Variants in MBNL2 observed in about 807,000 individuals in gnomAD.
The protein encoded by MBNL2 is muscleblind-like protein 2.
In MBNL2, 17 loss-of-function variants were observed where a neutral mutation model predicts 41.9. The ratio of observed to expected loss-of-function variants is 0.41; its 90% confidence interval spans 0.28 to 0.61. MBNL2 has a LOEUF of 0.61. Among genes scored for constraint, MBNL2 ranks in the 20% least tolerant of loss-of-function variants. MBNL2 has a pLI of 0.35. For synonymous variants in MBNL2, 195 were observed against 182.9 expected (o/e 1.07, Z -0.53); for missense variants, 336 against 505.6 (o/e 0.66, Z 3.22).
chr13:97,316,822 TTG>T (rs1190471064), intron 2 of MBNL2, among the ~76,000 whole-genome samples: 1 of 152,206 alleles, frequency 6.6e-6, no homozygotes, highest in Non-Finnish European at 1.5e-5. Context: ...GCTGTGTAAC[TTG>T]TGTATCATCT....
At chr13:97,223,865 T>C (rs1471744916) in intron 1 of MBNL2, among the ~76,000 whole-genome samples, 1 of 152,220 alleles carries the variant, frequency 6.6e-6, no homozygotes. Context: ...AGCCCAGAAC[T>C]TCTGACGTCA....
intron 1 of MBNL2, among the ~76,000 whole-genome samples, chr13:97,245,966 T>C (rs1191937286): frequency 1.3e-5 from 2 of 152,204 alleles, no homozygotes; most frequent in Non-Finnish European, 2.9e-5. Context: ...GGCACTTTGA[T>C]TTACTTTCAG....
chr13:97,377,743 C>T (rs532069363), intron 8 of MBNL2, among the ~76,000 whole-genome samples: 8 of 152,174 alleles, frequency 5.3e-5, no homozygotes, highest in South Asian at 4.2e-4. Flanking sequence ...AACCTCGTAA[C>T]GTGAAGAATG....
At position 97,346,328 on chromosome 13, in the gene MBNL2, TTGATAGA is replaced by T. The variant is rs2061861803; in HGVS notation, c.541-467_541-461del. Reference sequence around the variant, plus strand: ...GGATAATAGATAATAGAGGGATAGATTGATAGATGATAGATAATAGATGATGGATGAA... The same window carrying T: ...GGATAATAGATAATAGAGGGATAGATTGATAGATAATAGATGATGGATGAA... On this transcript the variant is annotated intron_variant, in intron 4 of 8. Transcript: ENST00000679496. The surrounding 1 kb of genome is among the most constrained non-coding windows in gnomAD (Gnocchi z 4.2). Among the ~76,000 whole-genome samples the T allele has an allele frequency of 6.6e-6, 1 of 151,738 alleles. No homozygotes were observed. Among genetic ancestry groups the T allele is most frequent in the South Asian group, 2.1e-4 (1 of 4,804 alleles).
the MBNL2 span, among the ~76,000 whole-genome samples, chr13:97,201,954 T>G: frequency 6.6e-6 from 1 of 152,228 alleles, no homozygotes; most frequent in Non-Finnish European, 1.5e-5. Flanking sequence ...TTTCTTCATA[T>G]GTACCAAATC....
chr13:97,376,838 T>C (rs1425214682), intron 8 of MBNL2, among the ~76,000 whole-genome samples: 1 of 152,190 alleles, frequency 6.6e-6, no homozygotes, highest in African/African-American at 2.4e-5. Flanking sequence ...AGAAAAATTA[T>C]GATGCAAATT....
intron 1 of MBNL2, among the ~76,000 whole-genome samples, chr13:97,238,314 T>C (rs981179464): frequency 6.6e-6 from 1 of 152,080 alleles, no homozygotes; most frequent in South Asian, 2.1e-4. Context: ...AGCCTTACAT[T>C]GAAGGGAATT....
intron 8 of MBNL2, among the ~76,000 whole-genome samples, chr13:97,375,756 A>G (rs1467062364): frequency 2.0e-5 from 3 of 152,202 alleles, no homozygotes; most frequent in Non-Finnish European, 2.9e-5. Flanking sequence ...TTCTTCCTCG[A>G]TAGCATGTGT....
At chr13:97,214,635 T>C in the MBNL2 span, among the ~76,000 whole-genome samples, 1 of 152,100 alleles carries the variant, frequency 6.6e-6, no homozygotes, top group African/African-American at 2.4e-5. Flanking sequence ...CTTTCAAGTA[T>C]CCCAACAGGA....
intron 5 of MBNL2, among the ~76,000 whole-genome samples, chr13:97,354,286 A>G (rs2062789084): frequency 6.6e-6 from 1 of 152,238 alleles, no homozygotes; most frequent in Non-Finnish European, 1.5e-5. Context: ...CTTTCAATGT[A>G]GGTAAACATA....
At chr13:97,189,353 T>G in the MBNL2 span, among the ~76,000 whole-genome samples, 1 of 152,122 alleles carries the variant, frequency 6.6e-6, no homozygotes, top group Non-Finnish European at 1.5e-5. Context: ...AAATGCCTAT[T>G]GCAAAGAAAA....
chr13:97,249,837 AT>A, intron 1 of MBNL2, among the ~76,000 whole-genome samples: 2 of 152,262 alleles, frequency 1.3e-5, no homozygotes, highest in Middle Eastern at 6.8e-3. Context: ...CTATAGACAT[AT>A]TTCTATTGGC....
intron 2 of MBNL2, 119 bp downstream of exon 2, chr13:97,276,528 T>C: frequency 1.0e-6 from 1 of 957,000 alleles, no homozygotes; most frequent in Non-Finnish European, 1.6e-6. Flanking sequence ...TTCTTGTTTG[T>C]GGTGACTGTT....
the MBNL2 span, among the ~76,000 whole-genome samples, chr13:97,189,634 A>G: frequency 8.5e-5 from 13 of 152,334 alleles, no homozygotes; most frequent in South Asian, 1.5e-3. Context: ...GTAAATATGT[A>G]TGTGTGTCCA....
rs752021459 is a variant in MBNL2 at position 97,276,157 on chromosome 13, A to G, written c.-79A>G. The G allele has an allele frequency of 3.6e-5, 41 of 1,126,728 alleles. No individual in the cohort carries two copies. The highest frequency in any genetic ancestry group is 9.4e-5 in the Admixed American group (5 of 52,928). The allele number at this position is 1,126,728 out of a possible 1,614,324, so 69.8% of individuals were successfully genotyped here. A position where few individuals can be genotyped will look rare whatever the true frequency, so the allele number is the denominator to read the frequency against. ...AGACTTACATGTGGGAGTTTTCACAACAGTAGTTTTGGAATCATTAGAACT... is the reference window on the plus strand; with the variant it reads ...AGACTTACATGTGGGAGTTTTCACAGCAGTAGTTTTGGAATCATTAGAACT... On this transcript the variant is annotated 5_prime_UTR_variant, in exon 2 of 9. Transcript: ENST00000679496.
intron 2 of MBNL2, among the ~76,000 whole-genome samples, chr13:97,299,008 G>A (rs962663867): frequency 2.6e-5 from 4 of 152,172 alleles, no homozygotes; most frequent in Admixed American, 2.0e-4. Flanking sequence ...AGAATAGCTT[G>A]TAGTGTACTT....
the MBNL2 span, among the ~76,000 whole-genome samples, chr13:97,167,856 T>C: frequency 9.9e-3 from 1,514 of 152,314 alleles, 35 homozygotes; most frequent in African/African-American, 0.034. Context: ...AAAAAATTAT[T>C]TGTCCCTTAA....
intron 2 of MBNL2, among the ~76,000 whole-genome samples, chr13:97,332,168 G>T (rs868069957): frequency 6.6e-6 from 1 of 152,138 alleles, no homozygotes; most frequent in Non-Finnish European, 1.5e-5. Context: ...GCCTTTCTGG[G>T]TGTCAGCTTC....
chr13:97,189,942 T>G, the MBNL2 span, among the ~76,000 whole-genome samples: 70 of 152,360 alleles, frequency 4.6e-4, no homozygotes, highest in African/African-American at 1.6e-3. Context: ...CATGCCTGAT[T>G]ACAACGACGA....
Sources: allele counts gnomAD v4.1 joint callset (sites outside exome capture counted in the v4.1 genomes callset), GRCh38; gene constraint gnomAD v4.1.1; non-coding constraint Gnocchi (gnomAD v3.1); transcripts MANE v1.5; gene names NCBI Gene and HGNC (gene_info 2026-07-23, HGNC 2026-07-21).